WDFY2: variants seen among roughly 807,000 people sequenced by gnomAD.
The protein encoded by WDFY2 is WD repeat and FYVE domain containing 2.
A neutral mutation model predicts 56.4 loss-of-function variants in WDFY2; 36 were observed. The observed-to-expected ratio is 0.64, with a 90% CI of 0.49 to 0.84. The LOEUF (loss-of-function observed/expected upper bound fraction) is 0.84, where lower values mean the gene tolerates loss of function less well. Ranked by LOEUF, WDFY2 falls within the 40% of genes least tolerant of loss-of-function variation. The pLI, the probability that WDFY2 is intolerant of heterozygous loss-of-function variation, is 0.00. For missense variants in WDFY2, 444 were observed against 512.2 expected, an observed-to-expected ratio of 0.87 and a Z score of 1.29; for synonymous variants, 176 against 183.7, an observed-to-expected ratio of 0.96 and a Z score of 0.34.
At chr13:51,695,819 G>C (rs1024357971) in intron 3 of WDFY2, among the ~76,000 whole-genome samples, 6 of 152,214 alleles carry the variant, frequency 3.9e-5, no homozygotes, top group African/African-American at 1.4e-4. Context: ...CTTGAGCTGT[G>C]GTGGGCTCCA....
chr13:51,756,210 T>A, intron 9 of WDFY2, 122 bp from the exon 10 acceptor site: 1 of 1,416,632 alleles, frequency 7.1e-7, no homozygotes, highest in South Asian at 1.4e-5. Flanking sequence ...TCTGGGGCTC[T>A]CTTGTTCAGC....
intron 3 of WDFY2, among the ~76,000 whole-genome samples, chr13:51,689,625 C>T (rs1397067401): frequency 6.6e-6 from 1 of 152,034 alleles, no homozygotes. Flanking sequence ...TCCCTTCCCC[C>T]AACTTTTTAA....
chr13:51,658,449 G>A (rs954198215), intron 1 of WDFY2, among the ~76,000 whole-genome samples: 5 of 152,098 alleles, frequency 3.3e-5, no homozygotes, highest in African/African-American at 9.7e-5. Context: ...GACAATGTTC[G>A]CTTCCTGGTA....
At chr13:51,731,886 A>G (rs1952730649) in intron 6 of WDFY2, among the ~76,000 whole-genome samples, 1 of 152,228 alleles carries the variant, frequency 6.6e-6, no homozygotes, top group African/African-American at 2.4e-5. Context: ...TCTCTCTTAC[A>G]GTACAGAAGG....
intron 1 of WDFY2, among the ~76,000 whole-genome samples, chr13:51,632,830 T>C (rs1205788276): frequency 6.6e-6 from 1 of 152,224 alleles, no homozygotes; most frequent in African/African-American, 2.4e-5. Context: ...CCTGTCTAGT[T>C]TGCTAGCTTC....
In WDFY2 at chr13:51,755,849, C is replaced by G. The variant is rs140938396; in HGVS notation, c.933+390C>G. On this transcript the variant is annotated intron_variant, in intron 9 of 11. Transcript: ENST00000298125. ...TAGTTATTTAGATCTACTTATAATA[C>G]AGCATTTTCAATCTGATTCCATGGT... 5.0e-3 allele frequency among the ~76,000 whole-genome samples: 754 copies of G among 152,292 alleles called. 5 individuals carry two copies. Among genetic ancestry groups the G allele is most frequent in the African/African-American group, 0.014 (592 of 41,560 alleles).
intron 6 of WDFY2, among the ~76,000 whole-genome samples, chr13:51,731,321 A>T (rs1441882756): frequency 6.6e-6 from 1 of 152,074 alleles, no homozygotes; most frequent in Non-Finnish European, 1.5e-5. Flanking sequence ...CCTTCTAAGC[A>T]CTCTTGTCAG....
chr13:51,585,221 T>C (rs553647536), intron 1 of WDFY2, among the ~76,000 whole-genome samples: 1 of 152,330 alleles, frequency 6.6e-6, no homozygotes, highest in Non-Finnish European at 1.5e-5. Context: ...ACCAAGGGGT[T>C]TGGGGTACTC....
At chr13:51,631,391 TAAAAAAAAAA>T (rs374903152) in intron 1 of WDFY2, among the ~76,000 whole-genome samples, 1 of 123,096 alleles carries the variant, frequency 8.1e-6, no homozygotes, top group South Asian at 2.6e-4. Context: ...ATCCTGTCTC[TAAAAAAAAAA>T]AAAAAAAATT....
chr13:51,756,680 GTTCT>G (rs1388770892), intron 10 of WDFY2: 1 of 974,702 alleles, frequency 1.0e-6, no homozygotes, highest in Non-Finnish European at 1.2e-6. Context: ...TCATCTCTGT[GTTCT>G]TTCTAATTTC....
In WDFY2 at chr13:51,598,104, A is replaced by C. The variant is rs143618216; in HGVS notation, c.137+13280A>C. On this transcript the variant is annotated intron_variant, in intron 1 of 11. Transcript: ENST00000298125. The stretch of plus-strand genomic sequence containing the variant: ...GGCAGGTGTGGTGGCTCACGCCTGT[A>C]ATCCCAGCACTTTGGGAGGCTGAGG... Among the ~76,000 whole-genome samples the C allele has an allele frequency of 9.4e-3, 1,424 of 152,294 alleles. 15 individuals are homozygous for C. Among genetic ancestry groups the C allele is most frequent in the African/African-American group, 0.031 (1,299 of 41,550 alleles).
chr13:51,668,175 G>A (rs561368600), intron 2 of WDFY2, among the ~76,000 whole-genome samples: 2 of 152,060 alleles, frequency 1.3e-5, no homozygotes, highest in East Asian at 1.9e-4. Context: ...CACCGCACCC[G>A]GCCCGGAACT....
intron 1 of WDFY2, chr13:51,599,203 G>A (rs548863260): frequency 5.3e-5 from 8 of 152,312 alleles, no homozygotes; most frequent in South Asian, 2.1e-4. Context: ...CACTGCTCCC[G>A]GCCTTAGAAG....
intron 2 of WDFY2, among the ~76,000 whole-genome samples, chr13:51,661,959 TTTTG>T (rs1483354642): frequency 1.3e-5 from 2 of 152,140 alleles, no homozygotes; most frequent in Non-Finnish European, 2.9e-5. Context: ...TTTCCTGTTT[TTTTG>T]TTTATTTGTT....
chr13:51,652,510 T>C (rs569077031), intron 1 of WDFY2, among the ~76,000 whole-genome samples: 1 of 152,352 alleles, frequency 6.6e-6, no homozygotes, highest in East Asian at 1.9e-4. Context: ...CGATGGTCTT[T>C]ACAATTTGGC....
chr13:51,585,723 C>T (rs895698872), intron 1 of WDFY2, among the ~76,000 whole-genome samples: 1 of 152,190 alleles, frequency 6.6e-6, no homozygotes, highest in Non-Finnish European at 1.5e-5. Flanking sequence ...CAAAAGAACA[C>T]TGTAGAGGTA....
chr13:51,718,554 AT>A (rs1952413193), intron 4 of WDFY2, among the ~76,000 whole-genome samples: 1 of 131,110 alleles, frequency 7.6e-6, no homozygotes, highest in African/African-American at 2.9e-5. Context: ...TCTTATTATC[AT>A]TCATACACAC....
At chr13:51,627,828 A>G (rs1027233360) in intron 1 of WDFY2, among the ~76,000 whole-genome samples, 1 of 152,078 alleles carries the variant, frequency 6.6e-6, no homozygotes, top group Non-Finnish European at 1.5e-5. Context: ...GGGTCATCCC[A>G]TTGTCTGCTT....
intron 1 of WDFY2, among the ~76,000 whole-genome samples, chr13:51,616,556 T>C (rs530130058): frequency 3.3e-5 from 5 of 152,212 alleles, no homozygotes; most frequent in Non-Finnish European, 7.3e-5. Context: ...GAGAGTTCTG[T>C]GTGATAGGCT....
Sources: allele counts gnomAD v4.1 joint callset (sites outside exome capture counted in the v4.1 genomes callset), GRCh38; gene constraint gnomAD v4.1.1; transcripts MANE v1.5; gene names NCBI Gene and HGNC (gene_info 2026-07-23, HGNC 2026-07-21).